Variants in RNF19A observed in about 807,000 individuals in gnomAD.
RNF19A encodes the protein ring finger protein 19A, RBR E3 ubiquitin protein ligase, also known as E3 ubiquitin-protein ligase RNF19A.
Under a neutral mutation model 75.7 loss-of-function variants are expected in RNF19A, and 32 were observed. That is an observed-to-expected ratio of 0.42 (90% CI 0.32 to 0.57). The LOEUF (loss-of-function observed/expected upper bound fraction) is 0.57, where lower values mean the gene tolerates loss of function less well. Ranked by LOEUF, RNF19A falls within the 20% of genes least tolerant of loss-of-function variation. RNF19A has a pLI of 0.10. For missense variants in RNF19A, 782 were observed against 1,036.3 expected (o/e 0.75, Z 3.37); for synonymous variants, 335 against 345.2 (o/e 0.97, Z 0.33).
At chr8:100,294,101 T>A (rs1336799093) in intron 1 of RNF19A, among the ~76,000 whole-genome samples, 1 of 152,234 alleles carries the variant, frequency 6.6e-6, no homozygotes, top group Non-Finnish European at 1.5e-5. Context: ...TGAGGGAGTC[T>A]TGACATGGAA....
At chr8:100,290,541 CAT>C (rs1821245618) in intron 1 of RNF19A, among the ~76,000 whole-genome samples, 1 of 152,176 alleles carries the variant, frequency 6.6e-6, no homozygotes, top group Non-Finnish European at 1.5e-5. Flanking sequence ...TCCTAATTAA[CAT>C]GTGTTCTCTG....
chr8:100,262,003 T>A (rs1439318153), intron 7 of RNF19A, among the ~76,000 whole-genome samples: 1 of 152,192 alleles, frequency 6.6e-6, no homozygotes, highest in Non-Finnish European at 1.5e-5. Flanking sequence ...TGTTAAAAAA[T>A]ATCGCTGACT....
intron 1 of RNF19A, among the ~76,000 whole-genome samples, chr8:100,335,182 TTATA>T (rs1822663235): frequency 6.6e-6 from 1 of 152,206 alleles, no homozygotes; most frequent in African/African-American, 2.4e-5. Flanking sequence ...GCTCCCCTAT[TTATA>T]TAAGAACAAC....
At chr8:100,262,806 C>T (rs1660351) in intron 7 of RNF19A, among the ~76,000 whole-genome samples, 49,305 of 151,734 alleles carry the variant, frequency 0.32, 8,664 homozygotes, top group South Asian at 0.41. Context: ...GGAAGGACAA[C>T]GAAGAGAGTA....
rs142690902 is a variant in RNF19A at position 100,274,063 on chromosome 8, G to C, written c.883+890C>G. On this transcript the variant is annotated intron_variant, in intron 3 of 9. Transcript: ENST00000341084. ...GACTCCCAGAGTGCTGGGATTACAG[G>C]CATGAGCCACCGTGACTGGCCAGTA... Among the ~76,000 whole-genome samples the C allele has an allele frequency of 7.6e-3, 1,159 of 152,266 alleles. 4 individuals are homozygous for C. The highest frequency in any genetic ancestry group is 0.012 in the Non-Finnish European group (792 of 68,012).
At position 100,288,107 on chromosome 8, in the gene RNF19A, A is replaced by T; in HGVS notation, c.68T>A (p.Val23Asp). The T allele has an allele frequency of 6.2e-7, 1 of 1,614,128 alleles. No individual in the cohort carries two copies. The highest frequency in any genetic ancestry group is 1.1e-5 in the South Asian group (1 of 91,080). ...GTCTAAAATGCTTGTTAGAATTGAG[A>T]CAGGGTCAGTGTTTACACACAGCCC... ...NEGLCVNTDP[V>D]SILTSILDMS... Residue 23 changes from valine (V) to aspartate (D), a missense_variant, in exon 2 of 10, where the codon GTC becomes GAC. By Grantham distance (152) the Val-to-Asp change is radical. Transcript: ENST00000341084.
intron 2 of RNF19A, among the ~76,000 whole-genome samples, chr8:100,285,025 G>A (rs1187541490): frequency 6.6e-6 from 1 of 152,032 alleles, no homozygotes; most frequent in Admixed American, 6.5e-5. Context: ...ACTCTCAAGA[G>A]GTAACCAATA....
chr8:100,270,011 C>G lies in RNF19A; in HGVS notation c.886G>C (p.Asp296His), dbSNP rs568138810. Reference sequence around the variant, plus strand: ...CATCGTGGACATGGCTTTATATCATCAGCTATTGGGAACACAGAGAAATCT... The same window carrying G: ...CATCGTGGACATGGCTTTATATCATGAGCTATTGGGAACACAGAGAAATCT... ...SYSQESGAAA[D>H]DIKPCPRCAA... Residue 296 changes from aspartate to histidine, a missense_variant and splice_region_variant, in exon 4 of 10, where the codon GAT becomes CAT. Physicochemically the swap from Asp to His is moderately conservative, Grantham distance 81 (BLOSUM62 -1). Around this residue, in one of 7 missense-constraint regions of RNF19A, gnomAD observed 31 missense variants for 48.8 expected, o/e 0.64. Coordinates refer to ENST00000341084, the MANE Select transcript of RNF19A (RefSeq NM_183419.4). The G allele has an allele frequency of 6.3e-7, 1 of 1,580,836 alleles. No individual in the cohort carries two copies. The highest frequency in any genetic ancestry group is 8.6e-7 in the Non-Finnish European group (1 of 1,164,926).
At chr8:100,294,990 T>C (rs984197006) in intron 1 of RNF19A, among the ~76,000 whole-genome samples, 1 of 152,206 alleles carries the variant, frequency 6.6e-6, no homozygotes, top group African/African-American at 2.4e-5. Context: ...TCAACAAATA[T>C]GTTCAGTGCC....
chr8:100,286,129 C>T (rs370226698), intron 2 of RNF19A, among the ~76,000 whole-genome samples: 3 of 152,178 alleles, frequency 2.0e-5, no homozygotes, highest in Non-Finnish European at 4.4e-5. Context: ...GCGATTCAAT[C>T]GCATCTAAGC....
chr8:100,290,866 CAAT>C (rs2129984642), intron 1 of RNF19A, among the ~76,000 whole-genome samples: 1 of 152,276 alleles, frequency 6.6e-6, no homozygotes, highest in Non-Finnish European at 1.5e-5. Flanking sequence ...ATTTGCAACA[CAAT>C]GATATCTGTG....
At chr8:100,328,003 C>T (rs555196203) in intron 1 of RNF19A, among the ~76,000 whole-genome samples, 3 of 152,260 alleles carry the variant, frequency 2.0e-5, no homozygotes, top group Admixed American at 1.3e-4. Context: ...GTAAGAGTCT[C>T]GCATCATGAT....
chr8:100,297,262 C>T (rs1660332), intron 1 of RNF19A, among the ~76,000 whole-genome samples: 69,999 of 152,096 alleles, frequency 0.46, 17,039 homozygotes, highest in African/African-American at 0.63. Context: ...CTTTCAATTA[C>T]TTCAATGTGT....
rs1388861807 is a variant in RNF19A, at chr8:100,302,607, T to C, written c.-94+7260A>G. On this transcript the variant is annotated intron_variant, in intron 1 of 9. Transcript: ENST00000341084. The stretch of plus-strand genomic sequence containing the variant: ...GAGTTGCTGTTATTTGGATGGTATG[T>C]AAAATCGTGAACACAGATGAAATCA... Among the ~76,000 whole-genome samples, 3 of 152,158 alleles carry C rather than the reference T, an allele frequency of 2.0e-5. No individual in the cohort carries two copies. In the East Asian group the frequency reaches 5.8e-4, roughly 29 times the overall value.
In RNF19A at chr8:100,260,545, T is replaced by C. The variant is rs371291342; in HGVS notation, c.1683-548A>G. Among the ~76,000 whole-genome samples, 39 of 152,168 alleles carry C rather than the reference T, an allele frequency of 2.6e-4. No individual in the cohort carries two copies. The East Asian group carries it at 5.0e-3, about 20-fold the overall frequency. On this transcript the variant is annotated intron_variant, in intron 8 of 9. Transcript: ENST00000341084. The surrounding 1 kb of genome is among the most constrained non-coding windows in gnomAD (Gnocchi z 4.1). ...CTGGCCTCCCAAAGTGCTGGGATTA[T>C]AGGTATGAGCCACTGAGCCCAACCA...
upstream of RNF19A, among the ~76,000 whole-genome samples, chr8:100,313,590 G>T (rs1400429839): frequency 1.3e-5 from 2 of 152,210 alleles, no homozygotes; most frequent in Non-Finnish European, 2.9e-5. Flanking sequence ...ATGGTAAGGA[G>T]AATTCTAAAT....
chr8:100,258,867 G>T lies in RNF19A; in HGVS notation c.2206C>A (p.Leu736Ile). The T allele has an allele frequency of 6.2e-7, 1 of 1,614,096 alleles. No individual in the cohort carries two copies. Among genetic ancestry groups the T allele is most frequent in the Non-Finnish European group, 8.5e-7 (1 of 1,180,022 alleles). Residue 736 changes from leucine (L) to isoleucine (I), a missense_variant, in exon 10 of 10, where the codon CTA (leucine) becomes ATA (isoleucine). Coordinates refer to ENST00000341084, the MANE Select transcript of RNF19A (RefSeq NM_183419.4). This position sits in a 1 kb window ranked among gnomAD's most constrained non-coding sequence, Gnocchi z 4.3. ...SHFSEFSCSD[L>I]ESMKTSCSHG... Reference sequence around the variant, plus strand: ...CTACAAGAAGTTTTCATGCTTTCTAGGTCAGAACAACTAAATTCAGAAAAA... The same window carrying T: ...CTACAAGAAGTTTTCATGCTTTCTATGTCAGAACAACTAAATTCAGAAAAA...
In RNF19A at chr8:100,261,689, G is replaced by C; in HGVS notation, c.1535C>G (p.Thr512Ser). The change falls in exon 8 of 10, where the codon ACT becomes AGT. Residue 512 changes from threonine to serine, a missense_variant. Around this residue, in one of 7 missense-constraint regions of RNF19A, gnomAD observed 442 missense variants for 541.6 expected, o/e 0.82. Coordinates refer to ENST00000341084, the MANE Select transcript of RNF19A (RefSeq NM_183419.4). This position sits in a 1 kb window ranked among gnomAD's most constrained non-coding sequence, Gnocchi z 4.4. ...GCTTCCACTTGCACTCAAACTGCCA[G>C]TCAGCCCACCAACACTTCCCTCCCC... is the stretch of plus-strand genomic sequence containing the variant. Reference protein sequence around the residue: ...SIGEGSVGGLTGSLSASGSHM... With the variant: ...SIGEGSVGGLSGSLSASGSHM... The C allele has an allele frequency of 1.2e-6, 2 of 1,614,106 alleles. No individual in the cohort carries two copies. The highest frequency in any genetic ancestry group is 1.7e-6 in the Non-Finnish European group (2 of 1,180,010).
Position 100,325,122 on chromosome 8 carries a change from G to A in RNF19A, c.-243+10986C>T, listed in dbSNP as rs1489980111. ...GGGGTTTCACCATGTTGGTCAGGCTGGTCTCGAACTCCTGACCTCAGGTGA... is the reference window on the plus strand; with the variant it reads ...GGGGTTTCACCATGTTGGTCAGGCTAGTCTCGAACTCCTGACCTCAGGTGA... On this transcript the variant is annotated intron_variant, in intron 1 of 3. Coordinates refer to the RNF19A transcript ENST00000519527. This position sits in a 1 kb window ranked among gnomAD's most constrained non-coding sequence, Gnocchi z 4.3. Among the ~76,000 whole-genome samples, 1 of 152,116 alleles carries A rather than the reference G, an allele frequency of 6.6e-6. No homozygotes were observed. The highest frequency in any genetic ancestry group is 6.5e-5 in the Admixed American group (1 of 15,270).
Sources: gnomAD v4.1 joint callset for allele counts (sites outside exome capture counted in the v4.1 genomes callset) on GRCh38, gnomAD v4.1.1 for gene constraint, gnomAD v4.1.1 regional missense constraint, Gnocchi (gnomAD v3.1) non-coding constraint, MANE v1.5 for transcripts, NCBI Gene and HGNC (gene_info 2026-07-23, HGNC 2026-07-21) for gene names.